The following SMARCA2 variants were observed in gnomAD, a reference collection of about 807,000 sequenced individuals.
SMARCA2 encodes SWI/SNF-related matrix-associated actin-dependent regulator of chromatin subfamily A member 2.
In SMARCA2, 61 loss-of-function variants were observed where a neutral mutation model predicts 199.8. The ratio of observed to expected loss-of-function variants is 0.31; its 90% CI spans 0.25 to 0.38. The LOEUF (loss-of-function observed/expected upper bound fraction) is 0.38, where lower values mean the gene tolerates loss of function less well. SMARCA2 is among the 10% of genes least tolerant of loss of function. The pLI is 1.00. For missense variants in SMARCA2, 1,344 were observed against 2,012.2 expected, an observed-to-expected ratio of 0.67 and a Z score of 6.35; for synonymous variants, 935 against 732.0, an observed-to-expected ratio of 1.28 and a Z score of -4.48.
At chr9:2,188,925 C>G (rs932768493) in intron 32 of SMARCA2, among the ~76,000 whole-genome samples, 3 of 152,210 alleles carry the variant, frequency 2.0e-5, no homozygotes, top group Non-Finnish European at 4.4e-5. Context: ...TGGCTCATTG[C>G]CTCCCCACCC....
Position 2,147,772 on chromosome 9 carries a change from C to G in SMARCA2, c.3982-13914C>G, listed in dbSNP as rs548474964. The stretch of plus-strand genomic sequence containing the variant: ...TGAGGCAGGGAAAATTGCTTGAACC[C>G]GGGAGGCAGAGGTTGCAGTGAGCTG... On this transcript the variant is annotated intron_variant, in intron 27 of 33. Transcript: ENST00000349721. Among the ~76,000 whole-genome samples, 7 of 151,314 alleles carry G rather than the reference C, an allele frequency of 4.6e-5. 1 individual carries two copies. Among genetic ancestry groups the G allele is most frequent in the African/African-American group, 1.7e-4 (7 of 41,336 alleles).
rs932424734 is a variant in SMARCA2, at chr9:2,056,956, T to A, written c.1347+111T>A. The A allele has an allele frequency of 1.7e-5, 15 of 898,476 alleles. No homozygotes were observed. Among genetic ancestry groups the A allele is most frequent in the African/African-American group, 3.4e-5 (2 of 59,466 alleles). 55.7% of individuals were successfully genotyped at this position (898,476 alleles called of 1,614,324 possible). A position where few individuals can be genotyped will look rare whatever the true frequency, so the allele number is the denominator to read the frequency against. On this transcript the variant is annotated intron_variant, in intron 7 of 33. Transcript: ENST00000349721. The surrounding 1 kb of genome is among the most constrained non-coding windows in gnomAD (Gnocchi z 4.0). ...TGGACCCTTGTGGGTGGTGGGGACA[T>A]CACAGAACAGAACGGTTCCTTGACA...
Position 2,084,094 on chromosome 9 carries a change from T to C in SMARCA2, c.2424T>C (p.Pro808=). The stretch of plus-strand genomic sequence containing the variant: ...TTTTTCTTTCCATTCAGGGTACTCC[T>C]GCCATGCGTCGCTCCCTTGTCCCCC... ...SVVKISYKGT[P]AMRRSLVPQL... Residue 808 remains proline, a synonymous_variant, in exon 17 of 34, where the codon CCT becomes CCC. Transcript: ENST00000349721. The C allele has an allele frequency of 1.2e-6, 2 of 1,603,064 alleles. No individual in the cohort carries two copies. The highest frequency in any genetic ancestry group is 1.7e-6 in the Non-Finnish European group (2 of 1,169,992).
At chr9:2,121,179 G>C (rs1180918495) in intron 26 of SMARCA2, among the ~76,000 whole-genome samples, 1 of 152,192 alleles carries the variant, frequency 6.6e-6, no homozygotes, top group African/African-American at 2.4e-5. Context: ...AAGGGGGTGA[G>C]TGTACTTTCC....
At chr9:2,147,448 A>T (rs962581259) in intron 27 of SMARCA2, among the ~76,000 whole-genome samples, 34 of 152,216 alleles carry the variant, frequency 2.2e-4, no homozygotes, top group African/African-American at 7.7e-4. Context: ...CACATCTTTC[A>T]TTGTAAGGCT....
At position 2,056,791 on chromosome 9, in the gene SMARCA2, G is replaced by A. The variant is rs1259059904; in HGVS notation, c.1293G>A (p.Lys431=). ...QTLREARMTE[K]LEKQQKIEQE... ...TGAGAGAAGCTCGCATGACCGAGAA[G>A]CTGGAGAAGCAGCAGAAGATTGAGC... Residue 431 remains lysine (K), a synonymous_variant, in exon 7 of 34, where the codon AAG becomes AAA. Coordinates refer to ENST00000349721, the MANE Select transcript of SMARCA2 (RefSeq NM_003070.5). The surrounding 1 kb of genome is among the most constrained non-coding windows in gnomAD (Gnocchi z 4.0). The A allele has an allele frequency of 6.2e-7, 1 of 1,614,224 alleles. No individual in the cohort carries two copies. The highest frequency in any genetic ancestry group is 2.2e-5 in the East Asian group (1 of 44,882).
chr9:2,077,718 C>G lies in SMARCA2; in HGVS notation c.2126C>G (p.Ser709Trp). 1.2e-6 allele frequency: 2 copies of G among 1,613,992 alleles called. No individual in the cohort carries two copies. Among genetic ancestry groups the G allele is most frequent in the Non-Finnish European group, 1.7e-6 (2 of 1,179,932 alleles). ...TACTACACCGTGGCTCATGCCATCT[C>G]GGAGAGGGTGGAGAAACAGTCTGCC... ...QSYYTVAHAI[S>W]ERVEKQSALL... is the part of the protein sequence containing the mutation. The change falls in exon 14 of 34, where the codon TCG becomes TGG. Residue 709 changes from serine (S) to tryptophan (W), a missense_variant. By Grantham distance (177) the Ser-to-Trp change is radical. Transcript: ENST00000349721.
intron 29 of SMARCA2, among the ~76,000 whole-genome samples, chr9:2,174,723 C>G (rs1230671283): frequency 6.6e-6 from 1 of 151,866 alleles, no homozygotes; most frequent in African/African-American, 2.4e-5. Context: ...GAGTCCGAGA[C>G]CACCCGAGGC....
Position 2,081,976 on chromosome 9 carries a change from C to G in SMARCA2, c.2329C>G (p.Leu777Val), listed in dbSNP as rs771591197. The change falls in exon 15 of 34, where the codon CTC becomes GTC. Residue 777 changes from leucine (L) to valine (V), a missense_variant. Transcript: ENST00000349721. ...GCACAAAAGACTCAATGGCCCCTAT[C>G]TCATCATTGTTCCCCTTTCGTAAGT... ...MEHKRLNGPY[L>V]IIVPLSTLSN... 3 of 1,613,664 alleles carry G rather than the reference C, an allele frequency of 1.9e-6. No individual in the cohort carries two copies. The highest frequency in any genetic ancestry group is 2.5e-6 in the Non-Finnish European group (3 of 1,179,768).
At chr9:2,152,859 A>T (rs927664204) in intron 27 of SMARCA2, among the ~76,000 whole-genome samples, 4 of 152,144 alleles carry the variant, frequency 2.6e-5, no homozygotes, top group African/African-American at 9.6e-5. Context: ...GTCTCAAAAA[A>T]TAAAAATAAA....
intron 3 of SMARCA2, among the ~76,000 whole-genome samples, chr9:2,037,232 C>G (rs894181328): frequency 5.3e-5 from 8 of 152,160 alleles, no homozygotes; most frequent in Admixed American, 3.3e-4. Flanking sequence ...TTGATATTCT[C>G]TAAGTGTTTA....
Position 2,082,087 on chromosome 9 carries a change from T to C in SMARCA2, c.2348+92T>C, listed in dbSNP as rs1586685268. 4 of 1,078,486 alleles carry C rather than the reference T, an allele frequency of 3.7e-6. No homozygotes were observed. In the South Asian group the frequency reaches 6.2e-5, roughly 17 times the overall value. The allele number at this position is 1,078,486 out of a possible 1,614,324, so 66.8% of individuals were successfully genotyped here. A position where few individuals can be genotyped will look rare whatever the true frequency, so the allele number is the denominator to read the frequency against. On this transcript the variant is annotated intron_variant, in intron 15 of 33. Transcript: ENST00000349721. ...TCCTTGTTTTTTACTTAAGACAGAA[T>C]TGTAGCATGTACTAACCTAAATCCA...
chr9:2,110,141 A>G lies in SMARCA2; in HGVS notation c.3293-113A>G. 1 of 665,184 alleles carries G rather than the reference A, an allele frequency of 1.5e-6. No individual in the cohort carries two copies. Among genetic ancestry groups the G allele is most frequent in the Non-Finnish European group, 2.4e-6 (1 of 417,766 alleles). 41.2% of individuals were successfully genotyped at this position (665,184 alleles called of 1,614,324 possible). A position where few individuals can be genotyped will look rare whatever the true frequency, so the allele number is the denominator to read the frequency against. ...ACAAAGCCCTGGAAATTACCTCACCAGTGTTAGGAGGAGTCTGGGTATATT... is the reference window on the plus strand; with the variant it reads ...ACAAAGCCCTGGAAATTACCTCACCGGTGTTAGGAGGAGTCTGGGTATATT... On this transcript the variant is annotated intron_variant, in intron 23 of 33. Transcript: ENST00000349721. This position sits in a 1 kb window ranked among gnomAD's most constrained non-coding sequence, Gnocchi z 4.8.
intron 8 of SMARCA2, among the ~76,000 whole-genome samples, chr9:2,058,708 G>A (rs370305356): frequency 2.6e-5 from 4 of 152,044 alleles, no homozygotes; most frequent in African/African-American, 7.2e-5. Context: ...GGCATTGCGC[G>A]GTACACATTA....
chr9:2,144,988 A>G (rs1474630337), intron 27 of SMARCA2, among the ~76,000 whole-genome samples: 1 of 152,184 alleles, frequency 6.6e-6, no homozygotes, highest in African/African-American at 2.4e-5. Flanking sequence ...TTAAGGAGAG[A>G]AAAATGTGGC....
chr9:2,050,834 C>G (rs1463475445), intron 5 of SMARCA2, among the ~76,000 whole-genome samples: 3 of 152,204 alleles, frequency 2.0e-5, no homozygotes, highest in Non-Finnish European at 4.4e-5. Flanking sequence ...AACTTCTCCT[C>G]TGGACCTGAA....
At chr9:2,044,070 G>C (rs1226460441) in intron 4 of SMARCA2, 17 of 152,246 alleles carry the variant, frequency 1.1e-4, no homozygotes. Context: ...TCTGTCGATA[G>C]AGAGCAAAGC....
intron 31 of SMARCA2, among the ~76,000 whole-genome samples, chr9:2,183,027 G>C (rs1005472534): frequency 6.6e-6 from 1 of 152,152 alleles, no homozygotes; most frequent in Non-Finnish European, 1.5e-5. Flanking sequence ...CTGACCTCAG[G>C]TGATCTGCCC....
In SMARCA2 at chr9:2,111,574, G is replaced by A. The variant is rs980358103; in HGVS notation, c.3456+1157G>A. On this transcript the variant is annotated intron_variant, in intron 24 of 33. Coordinates refer to ENST00000349721, the MANE Select transcript of SMARCA2 (RefSeq NM_003070.5). ...ATGAATTCTACATCAGCTTTTCCTA[G>A]GCTCCTCGTTGAGCCCTGGTTTTCT... Among the ~76,000 whole-genome samples, 3 of 151,546 alleles carry A rather than the reference G, an allele frequency of 2.0e-5. 1 individual carries two copies. Among genetic ancestry groups the A allele is most frequent in the Admixed American group, 2.0e-4 (3 of 15,204 alleles).
Sources: gnomAD v4.1 joint callset for allele counts (sites outside exome capture counted in the v4.1 genomes callset) on GRCh38, gnomAD v4.1.1 for gene constraint, Gnocchi (gnomAD v3.1) non-coding constraint, MANE v1.5 for transcripts, NCBI Gene and HGNC (gene_info 2026-07-23, HGNC 2026-07-21) for gene names.